The following HIP1 variants were observed in gnomAD, a reference collection of about 807,000 sequenced individuals.
HIP1 encodes the protein huntingtin interacting protein 1.
A neutral mutation model predicts 147.6 loss-of-function variants in HIP1; 65 were observed. The ratio of observed to expected loss-of-function variants is 0.44; its 90% CI spans 0.36 to 0.54. HIP1 has a LOEUF of 0.54. Ranked by LOEUF, HIP1 falls within the 20% of genes least tolerant of loss-of-function variation. HIP1 has a pLI of 0.00. For missense variants in HIP1, 1,061 were observed against 1,299.6 expected (o/e 0.82, Z 2.82); for synonymous variants, 479 against 504.0 (o/e 0.95, Z 0.67).
At chr7:75,646,596 C>T (rs998557900) in intron 1 of HIP1, among the ~76,000 whole-genome samples, 6 of 152,252 alleles carry the variant, frequency 3.9e-5, no homozygotes, top group African/African-American at 7.2e-5. Context: ...GGAGTAACCA[C>T]GACCGGTCAT....
intron 19 of HIP1, among the ~76,000 whole-genome samples, chr7:75,555,188 G>C (rs946586850): frequency 6.4e-5 from 3 of 47,078 alleles, no homozygotes; most frequent in Non-Finnish European, 1.5e-4. Context: ...CTCAAAAAGC[G>C]GGGGGGCGGG....
chr7:75,683,071 C>T (rs1319233400), intron 1 of HIP1, among the ~76,000 whole-genome samples: 1 of 152,046 alleles, frequency 6.6e-6, no homozygotes, highest in Non-Finnish European at 1.5e-5. Context: ...CAAACTCCGC[C>T]TTCCAGGTTC....
chr7:75,559,946 C>T (rs782394334), intron 13 of HIP1, 31 bp from the exon 14 acceptor site: 9 of 1,554,718 alleles, frequency 5.8e-6, no homozygotes, highest in South Asian at 1.2e-5. Context: ...TGAGGCCAAC[C>T]GCCCACTGCC....
rs142288509 is a variant in HIP1 at position 75,619,139 on chromosome 7, T to C, written c.121-19892A>G. Among the ~76,000 whole-genome samples the C allele has an allele frequency of 1.3e-3, 195 of 152,318 alleles. 2 individuals carry two copies. Among genetic ancestry groups the C allele is most frequent in the African/African-American group, 4.5e-3 (186 of 41,570 alleles). ...TGCTCCACCCCCAAATTGGACTCAT[T>C]TGGGCTCGGAAGGGCCCATGGCACT... On this transcript the variant is annotated intron_variant, in intron 1 of 30. Transcript: ENST00000336926.
chr7:75,544,822 G>A lies in HIP1; in HGVS notation c.2661-22C>T, dbSNP rs1554490649. The A allele has an allele frequency of 2.0e-6, 3 of 1,481,356 alleles. No homozygotes were observed. In the South Asian group the frequency reaches 3.4e-5, roughly 17 times the overall value. 91.8% of individuals were successfully genotyped at this position (1,481,356 alleles called of 1,614,324 possible). A position where few individuals can be genotyped will look rare whatever the true frequency, so the allele number is the denominator to read the frequency against. On this transcript the variant is annotated intron_variant, in intron 26 of 30. Coordinates refer to ENST00000336926, the MANE Select transcript of HIP1 (RefSeq NM_005338.7). ...ATCCCTGATGGAAAACGACAAGAGG[G>A]ACTAGGTTACGGGCAAATGAGCTGC...
chr7:75,714,804 C>T (rs1554520433), intron 1 of HIP1, among the ~76,000 whole-genome samples: 1 of 152,140 alleles, frequency 6.6e-6, no homozygotes, highest in East Asian at 1.9e-4. Context: ...AAGAAATTCA[C>T]TCTAGTACAA....
At chr7:75,594,154 C>T (rs1192901851) in intron 2 of HIP1, among the ~76,000 whole-genome samples, 1 of 151,986 alleles carries the variant, frequency 6.6e-6, no homozygotes, top group Non-Finnish European at 1.5e-5. Flanking sequence ...GTGGCGCATG[C>T]CTGTAATCCC....
chr7:75,641,600 G>A (rs1050563339), intron 1 of HIP1, among the ~76,000 whole-genome samples: 1 of 151,306 alleles, frequency 6.6e-6, no homozygotes. Context: ...CAAGAAATTC[G>A]CCTGCCTCAG....
intron 1 of HIP1, among the ~76,000 whole-genome samples, chr7:75,623,319 G>A (rs1218035796): frequency 1.3e-5 from 2 of 151,992 alleles, no homozygotes; most frequent in Non-Finnish European, 1.5e-5. Flanking sequence ...CTGCTGTGAA[G>A]AGGGACAGAG....
At chr7:75,609,802 G>A (rs782043490) in intron 1 of HIP1, among the ~76,000 whole-genome samples, 4 of 151,320 alleles carry the variant, frequency 2.6e-5, no homozygotes, top group Non-Finnish European at 5.9e-5. Flanking sequence ...ATGATCTTCC[G>A]CCTCGGCCTC....
intron 27 of HIP1, 138 bp from the exon 28 acceptor site, chr7:75,543,112 C>T (rs1423925586): frequency 7.5e-6 from 6 of 796,464 alleles, no homozygotes; most frequent in Non-Finnish European, 1.1e-5. Flanking sequence ...AATCTGCTGA[C>T]TATAGTCAGC....
chr7:75,720,407 C>T (rs1182430949), intron 1 of HIP1, among the ~76,000 whole-genome samples: 2 of 152,044 alleles, frequency 1.3e-5, no homozygotes, highest in African/African-American at 2.4e-5. Context: ...GTGATCTGCC[C>T]GCGTTGGCCT....
chr7:75,669,776 T>G (rs927178265), intron 1 of HIP1, among the ~76,000 whole-genome samples: 2 of 152,314 alleles, frequency 1.3e-5, no homozygotes, highest in South Asian at 4.1e-4. Context: ...TTTAAGCATG[T>G]TGTAGCATGA....
chr7:75,614,424 A>G (rs968217387), intron 1 of HIP1, among the ~76,000 whole-genome samples: 92 of 152,202 alleles, frequency 6.0e-4, no homozygotes, highest in African/African-American at 1.9e-3. Flanking sequence ...TACAAGGTAG[A>G]TAAGCCTCCA....
Position 75,582,258 on chromosome 7 carries a change from GGT to G in HIP1, c.466-109_466-108del, listed in dbSNP as rs587628227. ...TGGTCCCAGCTACTTGGGAGGCCGA[GGT>G]GGGAGGATTGCTTGAGCCCGGGAGT... is the stretch of plus-strand genomic sequence containing the variant. On this transcript the variant is annotated intron_variant, in intron 5 of 30. Coordinates refer to ENST00000336926, the MANE Select transcript of HIP1 (RefSeq NM_005338.7). 210 of 814,244 alleles carry G rather than the reference GGT, an allele frequency of 2.6e-4. No individual in the cohort carries two copies. The African/African-American group carries it at 3.3e-3, about 13-fold the overall frequency. The allele number at this position is 814,244 out of a possible 1,614,324, so 50.4% of individuals were successfully genotyped here.
intron 1 of HIP1, among the ~76,000 whole-genome samples, chr7:75,695,763 CG>C (rs1357559301): frequency 6.6e-6 from 1 of 151,952 alleles, no homozygotes; most frequent in Non-Finnish European, 1.5e-5. Flanking sequence ...TTAGTAGAGA[CG>C]GGGTTTCACT....
intron 1 of HIP1, among the ~76,000 whole-genome samples, chr7:75,647,270 C>A (rs941294798): frequency 7.0e-6 from 1 of 142,614 alleles, no homozygotes; most frequent in Non-Finnish European, 1.5e-5. Flanking sequence ...TGGTGGCATG[C>A]GCCTGTAATC....
chr7:75,541,530 CAA>C (rs200417654), intron 29 of HIP1, among the ~76,000 whole-genome samples: 14 of 117,918 alleles, frequency 1.2e-4, no homozygotes, highest in Middle Eastern at 5.0e-3. Flanking sequence ...GACTCCGTCT[CAA>C]AAAAAAAAAA....
At chr7:75,602,863 A>G (rs976524216) in intron 1 of HIP1, among the ~76,000 whole-genome samples, 5 of 138,620 alleles carry the variant, frequency 3.6e-5, no homozygotes, top group Non-Finnish European at 6.1e-5. Context: ...TTGCAGATGT[A>G]ATTAGTTAAG....
Sources: allele counts gnomAD v4.1 joint callset (sites outside exome capture counted in the v4.1 genomes callset), GRCh38; gene constraint gnomAD v4.1.1; transcripts MANE v1.5; gene names NCBI Gene and HGNC (gene_info 2026-07-23, HGNC 2026-07-21).